The following ZBTB12 variants were observed in gnomAD, a reference collection of about 807,000 sequenced individuals.
ZBTB12 encodes zinc finger and BTB domain containing 12, also known as zinc finger and BTB domain-containing protein 12.
ZBTB12 carries 1 observed loss-of-function variant against 6.4 expected under a neutral mutation model. That is an observed-to-expected ratio of 0.16 (90% CI 0.06 to 0.74). The LOEUF (loss-of-function observed/expected upper bound fraction) is 0.74, where lower values mean the gene tolerates loss of function less well. Among genes scored for constraint, ZBTB12 ranks in the 30% least tolerant of loss-of-function variants. The pLI, the probability that ZBTB12 is intolerant of heterozygous loss-of-function variation, is 0.78. For missense variants in ZBTB12, 344 were observed against 613.9 expected, an observed-to-expected ratio of 0.56 and a Z score of 4.65; for synonymous variants, 273 against 262.5, an observed-to-expected ratio of 1.04 and a Z score of -0.39.
At position 31,901,226 on chromosome 6, in the gene ZBTB12, C is replaced by G; in HGVS notation, c.80G>C (p.Arg27Pro). ...CACGTCGCAGAACCGCTCCTCTGCC[C>G]GGAGCTGGTTCATGTTCCGTAGCGT... ...AATLRNMNQL[R>P]AEERFCDVTI... The change falls in exon 2 of 2, where the codon CGG becomes CCG. Residue 27 changes from arginine (R) to proline (P), a missense_variant. By Grantham distance (103) the Arg-to-Pro change is moderately radical. This residue lies in a region of ZBTB12 where 50 missense variants were observed against 139.1 expected (regional missense o/e 0.36). Transcript: ENST00000375527. 6.2e-7 allele frequency: 1 copy of G among 1,613,430 alleles called. No homozygotes were observed.
At position 31,899,817 on chromosome 6, in the gene ZBTB12, C is replaced by T. The variant is rs1381130592; in HGVS notation, c.*109G>A. The T allele has an allele frequency of 5.0e-6, 6 of 1,210,352 alleles. No individual in the cohort carries two copies. The highest frequency in any genetic ancestry group is 2.9e-4 in the Middle Eastern group (1 of 3,438). 75.0% of individuals were successfully genotyped at this position (1,210,352 alleles called of 1,614,324 possible). On this transcript the variant is annotated 3_prime_UTR_variant, in exon 2 of 2. Transcript: ENST00000375527. ...ATGTGTGCATCTGCTCAGCCTCCCA[C>T]TCTTACCTTTCTGCCCCAGACCCCC... is the stretch of plus-strand genomic sequence containing the variant.
chr6:31,900,885 C>T lies in ZBTB12; in HGVS notation c.421G>A (p.Ala141Thr). The change falls in exon 2 of 2, where the codon GCT (alanine) becomes ACT (threonine). Residue 141 changes from alanine (A) to threonine (T), a missense_variant. Physicochemically the swap from Ala to Thr is moderately conservative, Grantham distance 58. Around this residue, in one of 5 missense-constraint regions of ZBTB12, gnomAD observed 241 missense variants for 315.4 expected, o/e 0.76. Coordinates refer to ENST00000375527, the MANE Select transcript of ZBTB12 (RefSeq NM_181842.3). The surrounding 1 kb of genome is among the most constrained non-coding windows in gnomAD (Gnocchi z 9.7). ...GCGCTGATGCTGCTCACAAGGCTAG[C>T]CTCACTGACCCCATCCTCTTTGAGG... is the stretch of plus-strand genomic sequence containing the variant. Reference protein sequence around the residue: ...IGLKEDGVSEASLVSSISATK... With the variant: ...IGLKEDGVSETSLVSSISATK... 6.2e-7 allele frequency: 1 copy of T among 1,613,918 alleles called. No individual in the cohort carries two copies. The highest frequency in any genetic ancestry group is 1.7e-5 in the Admixed American group (1 of 60,022).
rs936651632 is a variant in ZBTB12, at chr6:31,900,496, C to G, written c.810G>C (p.Ser270=). The G allele has an allele frequency of 1.9e-6, 3 of 1,609,806 alleles. No homozygotes were observed. The highest frequency in any genetic ancestry group is 2.5e-6 in the Non-Finnish European group (3 of 1,179,530). Residue 270 remains serine, a synonymous_variant, in exon 2 of 2, where the codon TCG becomes TCC. Transcript: ENST00000375527. The surrounding 1 kb of genome is among the most constrained non-coding windows in gnomAD (Gnocchi z 9.7). ...GCAGGCCCTCCCCTTCTGCATCTTC[C>G]GACAGGCTATAGCAGGCCTTCACCA... The part of the protein sequence containing the change: ...QGVVKACYSL[S]EDAEGEGLLL...
Position 31,900,730 on chromosome 6 carries a change from C to T in ZBTB12, c.576G>A (p.Leu192=). 6.3e-7 allele frequency: 1 copy of T among 1,597,742 alleles called. No homozygotes were observed. Among genetic ancestry groups the T allele is most frequent in the East Asian group, 2.2e-5 (1 of 44,664 alleles). The stretch of plus-strand genomic sequence containing the variant: ...CATCCTCATCCTCTTCCTCGGCTTT[C>T]AGCTCCAAGTCTTCATCCAGTGGGA... The part of the protein sequence containing the change: ...LEFPLDEDLE[L]KAEEEDEDED... Residue 192 remains leucine, a synonymous_variant, in exon 2 of 2, where the codon CTG becomes CTA. Coordinates refer to ENST00000375527, the MANE Select transcript of ZBTB12 (RefSeq NM_181842.3). The surrounding 1 kb of genome is among the most constrained non-coding windows in gnomAD (Gnocchi z 9.7).
chr6:31,900,595 G>T lies in ZBTB12; in HGVS notation c.711C>A (p.Gly237=). The T allele has an allele frequency of 6.2e-7, 1 of 1,612,594 alleles. No homozygotes were observed. Among genetic ancestry groups the T allele is most frequent in the South Asian group, 1.1e-5 (1 of 91,012 alleles). ...GGLGGGLGIG[G]SVGGHLGELA... Reference sequence around the variant, plus strand: ...GCTCCCCAAGGTGGCCACCCACGGAGCCTCCAATGCCCAGACCCCCTCCCA... The same window carrying T: ...GCTCCCCAAGGTGGCCACCCACGGATCCTCCAATGCCCAGACCCCCTCCCA... Residue 237 remains glycine, a synonymous_variant, in exon 2 of 2, where the codon GGC becomes GGA. Transcript: ENST00000375527. This position sits in a 1 kb window ranked among gnomAD's most constrained non-coding sequence, Gnocchi z 9.7.
rs146437617 is a variant in ZBTB12 at position 31,899,721 on chromosome 6, C to T, written c.*205G>A. Reference sequence around the variant, plus strand: ...CGTATTCCCCTGGCCTCCAAGAACCCTTTTCCCAGCTCCAGATTCTTGCAC... The same window carrying T: ...CGTATTCCCCTGGCCTCCAAGAACCTTTTTCCCAGCTCCAGATTCTTGCAC... On this transcript the variant is annotated 3_prime_UTR_variant, in exon 2 of 2. Coordinates refer to ENST00000375527, the MANE Select transcript of ZBTB12 (RefSeq NM_181842.3). 2,818 of 590,886 alleles carry T rather than the reference C, an allele frequency of 4.8e-3. 21 individuals are homozygous for T. The highest frequency in any genetic ancestry group is 0.021 in the Middle Eastern group (47 of 2,188). The allele number at this position is 590,886 out of a possible 1,614,324, so 36.6% of individuals were successfully genotyped here.
chr6:31,901,023 A>G lies in ZBTB12; in HGVS notation c.283T>C (p.Phe95Leu), dbSNP rs1767205040. 9.9e-6 allele frequency: 16 copies of G among 1,614,094 alleles called. No individual in the cohort carries two copies. The highest frequency in any genetic ancestry group is 1.4e-5 in the Non-Finnish European group (16 of 1,180,040). ...LLSCYTGALE[F>L]AVRDIVNYLT... ...TAGTTGACGATGTCCCTAACAGCGA[A>G]TTCCAAGGCGCCCGTGTAGCAGGAG... Residue 95 changes from phenylalanine (F) to leucine (L), a missense_variant, in exon 2 of 2, where the codon TTC becomes CTC. By Grantham distance (22) the Phe-to-Leu change is conservative (BLOSUM62 0). Transcript: ENST00000375527.
In ZBTB12 at chr6:31,900,286, T is replaced by C; in HGVS notation, c.1020A>G (p.Glu340=). 6.2e-7 allele frequency: 1 copy of C among 1,613,040 alleles called. No homozygotes were observed. Among genetic ancestry groups the C allele is most frequent in the Non-Finnish European group, 8.5e-7 (1 of 1,179,982 alleles). Reference sequence around the variant, plus strand: ...CCAGCTTCTCCACGCCCTGGAACACTTCCGGGCACTTGGTGCACTTGATGT... The same window carrying C: ...CCAGCTTCTCCACGCCCTGGAACACCTCCGGGCACTTGGTGCACTTGATGT... ...LKNIKCTKCP[E]VFQGVEKLVF... is the part of the protein sequence containing the mutation. The change falls in exon 2 of 2, where the codon GAA becomes GAG. Residue 340 remains glutamate (E), a synonymous_variant. Transcript: ENST00000375527. This position sits in a 1 kb window ranked among gnomAD's most constrained non-coding sequence, Gnocchi z 9.7.
In ZBTB12 at chr6:31,899,872, C is replaced by A; in HGVS notation, c.*54G>T. The A allele has an allele frequency of 1.3e-6, 2 of 1,505,550 alleles. No individual in the cohort carries two copies. The highest frequency in any genetic ancestry group is 2.3e-5 in the East Asian group (1 of 43,862). 93.3% of individuals were successfully genotyped at this position (1,505,550 alleles called of 1,614,324 possible). On this transcript the variant is annotated 3_prime_UTR_variant, in exon 2 of 2. Transcript: ENST00000375527. ...CCCCAATTCTCCTGGGCCAAAGAGCCCTTTTTCCACGCAGCCCAGGGGCCC... is the reference window on the plus strand; with the variant it reads ...CCCCAATTCTCCTGGGCCAAAGAGCACTTTTTCCACGCAGCCCAGGGGCCC...
At position 31,901,419 on chromosome 6, in the gene ZBTB12, G is replaced by C; in HGVS notation, c.-20-94C>G. 8 of 1,168,376 alleles carry C rather than the reference G, an allele frequency of 6.8e-6. 1 individual carries two copies. The South Asian group carries it at 1.3e-4, about 19-fold the overall frequency. 72.4% of individuals were successfully genotyped at this position (1,168,376 alleles called of 1,614,324 possible). A position where few individuals can be genotyped will look rare whatever the true frequency, so the allele number is the denominator to read the frequency against. On this transcript the variant is annotated intron_variant, in intron 1 of 1. Transcript: ENST00000375527. ...CGCCCCCATTCTTGCCCAGCCCCCC[G>C]GCATCCGATCTCCCGGTCTTCAGAT...
At position 31,900,529 on chromosome 6, in the gene ZBTB12, C is replaced by T. The variant is rs150122946; in HGVS notation, c.777G>A (p.Pro259=). 1.8e-3 allele frequency: 2,888 copies of T among 1,611,822 alleles called. 42 individuals carry two copies. The African/African-American group carries it at 0.031, about 18-fold the overall frequency. ...TATAGCAGGCCTTCACCACACCCTG[C>T]GGTGGGGCTACAGTGCTGGGGGGAA... The part of the protein sequence containing the change: ...SSVPPSTVAP[P]QGVVKACYSL... The change falls in exon 2 of 2, where the codon CCG becomes CCA. Residue 259 remains proline (P), a synonymous_variant. Transcript: ENST00000375527. The surrounding 1 kb of genome is among the most constrained non-coding windows in gnomAD (Gnocchi z 9.7).
chr6:31,900,075 C>T lies in ZBTB12; in HGVS notation c.1231G>A (p.Gly411Arg). The change falls in exon 2 of 2, where the codon GGA (glycine) becomes AGA (arginine). Residue 411 changes from glycine (G) to arginine (R), a missense_variant. Gly to Arg is a moderately radical substitution (Grantham distance 125, BLOSUM62 -2). This residue lies in a region of ZBTB12 where 21 missense variants were observed against 122.6 expected (regional missense o/e 0.17). Coordinates refer to ENST00000375527, the MANE Select transcript of ZBTB12 (RefSeq NM_181842.3). The surrounding 1 kb of genome is among the most constrained non-coding windows in gnomAD (Gnocchi z 9.7). ...TLHDHLNLHS[G>R]ARPYRCSYCD... ...TAGGAGCAGCGGTAGGGCCGCGCTC[C>T]CGAGTGCAGGTTGAGGTGGTCGTGA... is the stretch of plus-strand genomic sequence containing the variant. 6.2e-7 allele frequency: 1 copy of T among 1,613,428 alleles called. No individual in the cohort carries two copies. The highest frequency in any genetic ancestry group is 8.5e-7 in the Non-Finnish European group (1 of 1,179,694).
chr6:31,900,356 C>G lies in ZBTB12; in HGVS notation c.950G>C (p.Arg317Pro). 1 of 1,599,076 alleles carries G rather than the reference C, an allele frequency of 6.3e-7. No individual in the cohort carries two copies. Among genetic ancestry groups the G allele is most frequent in the Non-Finnish European group, 8.5e-7 (1 of 1,174,264 alleles). ...AGGSLGAGGS[R>P]GPLPGGFSGG... ...TGAGAAGCCCCCAGGCAGGGGTCCC[C>G]GGCTGCCCCCCGCCCCCAGGCTGCC... The change falls in exon 2 of 2, where the codon CGG becomes CCG. Residue 317 changes from arginine to proline, a missense_variant. Physicochemically the swap from Arg to Pro is moderately radical, Grantham distance 103. Coordinates refer to ENST00000375527, the MANE Select transcript of ZBTB12 (RefSeq NM_181842.3). This position sits in a 1 kb window ranked among gnomAD's most constrained non-coding sequence, Gnocchi z 9.7.
chr6:31,901,368 C>T (rs1198728361), intron 1 of ZBTB12, 43 bp from the exon 2 acceptor site: 4 of 1,511,464 alleles, frequency 2.6e-6, no homozygotes, highest in East Asian at 2.3e-5. Flanking sequence ...GTCTCTGGCT[C>T]TCCGAAGCCA....
At position 31,900,387 on chromosome 6, in the gene ZBTB12, CCCCCCGGG is replaced by C; in HGVS notation, c.911_918del (p.Ala304GlyfsTer125). 6.5e-7 allele frequency: 1 copy of C among 1,544,192 alleles called. No homozygotes were observed. The highest frequency in any genetic ancestry group is 8.7e-7 in the Non-Finnish European group (1 of 1,144,634). ...CCCCCCGCCCCCAGGCTGCCCCCCG[CCCCCCGGG>C]CAGCCATGGCCACCGCTGCTGCTTC... On this transcript the variant is annotated frameshift_variant, in exon 2 of 2. Transcript: ENST00000375527. LOFTEE classifies it low-confidence loss of function (END_TRUNC). The surrounding 1 kb of genome is among the most constrained non-coding windows in gnomAD (Gnocchi z 9.7).
In ZBTB12 at chr6:31,900,767, A is replaced by G. The variant is rs1179293658; in HGVS notation, c.539T>C (p.Val180Ala). 1 of 1,580,864 alleles carries G rather than the reference A, an allele frequency of 6.3e-7. No individual in the cohort carries two copies. The highest frequency in any genetic ancestry group is 1.4e-5 in the African/African-American group (1 of 73,226). Residue 180 changes from valine (V) to alanine (A), a missense_variant, in exon 2 of 2, where the codon GTG becomes GCG. Transcript: ENST00000375527. The surrounding 1 kb of genome is among the most constrained non-coding windows in gnomAD (Gnocchi z 9.7). Reference sequence around the variant, plus strand: ...TTCATCCAGTGGGAACTCCAGCTTCACTGGCCGCAGGAGTGGAGGGGGTAG... The same window carrying G: ...TTCATCCAGTGGGAACTCCAGCTTCGCTGGCCGCAGGAGTGGAGGGGGTAG... ...PPLPPPLLRP[V>A]KLEFPLDEDL...
At position 31,900,413 on chromosome 6, in the gene ZBTB12, G is replaced by T; in HGVS notation, c.893C>A (p.Ala298Glu). 6.5e-7 allele frequency: 1 copy of T among 1,548,516 alleles called. No individual in the cohort carries two copies. The highest frequency in any genetic ancestry group is 1.2e-5 in the South Asian group (1 of 84,220). Residue 298 changes from alanine to glutamate, a missense_variant, in exon 2 of 2, where the codon GCA becomes GAA. This residue lies in a region of ZBTB12 where 241 missense variants were observed against 315.4 expected (regional missense o/e 0.76). Transcript: ENST00000375527. The surrounding 1 kb of genome is among the most constrained non-coding windows in gnomAD (Gnocchi z 9.7). ...CCCCCGGGCAGCCATGGCCACCGCT[G>T]CTGCTTCCACCAGGCCCGAGGTGGC... ...VGATSGLVEA[A>E]AVAMAARGAG...
At position 31,900,465 on chromosome 6, in the gene ZBTB12, T is replaced by C. The variant is rs1767129970; in HGVS notation, c.841A>G (p.Ile281Val). ...CCCACGCTGGCCCGGCCTCCGGGAA[T>C]CAACAGCAGGCCCTCCCCTTCTGCA... ...EDAEGEGLLL[I>V]PGGRASVGAT... is the part of the protein sequence containing the mutation. Residue 281 changes from isoleucine (I) to valine (V), a missense_variant, in exon 2 of 2, where the codon ATT becomes GTT. Transcript: ENST00000375527. This position sits in a 1 kb window ranked among gnomAD's most constrained non-coding sequence, Gnocchi z 9.7. 1.3e-6 allele frequency: 2 copies of C among 1,594,246 alleles called. No individual in the cohort carries two copies. Among genetic ancestry groups the C allele is most frequent in the Non-Finnish European group, 1.7e-6 (2 of 1,172,250 alleles).
chr6:31,901,156 G>C lies in ZBTB12; in HGVS notation c.150C>G (p.Ile50Met). 6.2e-7 allele frequency: 1 copy of C among 1,613,828 alleles called. No individual in the cohort carries two copies. Among genetic ancestry groups the C allele is most frequent in the Non-Finnish European group, 8.5e-7 (1 of 1,180,036 alleles). The change falls in exon 2 of 2, where the codon ATC becomes ATG. Residue 50 changes from isoleucine to methionine, a missense_variant. Physicochemically the swap from Ile to Met is conservative, Grantham distance 10 (BLOSUM62 1). Coordinates refer to ENST00000375527, the MANE Select transcript of ZBTB12 (RefSeq NM_181842.3). ...DSLKFRGHKVILAACSPFLRD... is the reference protein window; with the variant it reads ...DSLKFRGHKVMLAACSPFLRD... ...GCAGGAAGGGTGAGCAGGCGGCCAA[G>C]ATGACCTTGTGGCCTCGAAACTTGA...
Sources: gnomAD v4.1 joint callset for allele counts on GRCh38, gnomAD v4.1.1 for gene constraint, gnomAD v4.1.1 regional missense constraint, Gnocchi (gnomAD v3.1) non-coding constraint, MANE v1.5 for transcripts, NCBI Gene and HGNC (gene_info 2026-07-23, HGNC 2026-07-21) for gene names.